Variants in RBFOX1 observed in about 807,000 individuals in gnomAD.
RBFOX1 encodes RNA binding fox-1 homolog 1.
In RBFOX1, 8 loss-of-function variants were observed where a neutral mutation model predicts 57.7. The observed-to-expected ratio is 0.14, with a 90% CI of 0.08 to 0.25. The LOEUF (loss-of-function observed/expected upper bound fraction) is 0.25. Ranked by LOEUF, RBFOX1 falls within the 10% of genes least tolerant of loss-of-function variation. RBFOX1 has a pLI of 1.00. For synonymous variants in RBFOX1, 326 were observed against 222.4 expected (o/e 1.47, Z -4.15); for missense variants, 611 against 548.5 (o/e 1.11, Z -1.14).
At chr16:5,668,445 C>T (rs1008650115) in intron 3 of RBFOX1, among the ~76,000 whole-genome samples, 1 of 152,200 alleles carries the variant, frequency 6.6e-6, no homozygotes, top group African/African-American at 2.4e-5. Flanking sequence ...AAAAAGACTT[C>T]ACTGGTAGCC....
At chr16:6,704,232 C>T (rs1484637856) in intron 3 of RBFOX1, 1 of 152,212 alleles carries the variant, frequency 6.6e-6, no homozygotes, top group Non-Finnish European at 1.5e-5. Context: ...TTTCACGCAG[C>T]TAGTAAGTGG....
chr16:6,753,936 A>C (rs764960249), intron 3 of RBFOX1, among the ~76,000 whole-genome samples: 3 of 152,092 alleles, frequency 2.0e-5, no homozygotes, highest in Non-Finnish European at 2.9e-5. Flanking sequence ...ATGCTTAATT[A>C]CTGAAGGAGA....
chr16:5,638,622 T>G (rs889343041), intron 3 of RBFOX1, among the ~76,000 whole-genome samples: 89 of 152,256 alleles, frequency 5.8e-4, no homozygotes, highest in African/African-American at 1.9e-3. Context: ...ATTTACATCT[T>G]GTATTCATAA....
chr16:6,491,502 G>T (rs373464480), intron 2 of RBFOX1, among the ~76,000 whole-genome samples: 3 of 152,298 alleles, frequency 2.0e-5, no homozygotes, highest in East Asian at 1.9e-4. Flanking sequence ...ACATTCTGCT[G>T]CTGACAGAGA....
intron 1 of RBFOX1, among the ~76,000 whole-genome samples, chr16:5,463,893 T>G (rs2068872796): frequency 6.6e-6 from 1 of 152,286 alleles, no homozygotes; most frequent in East Asian, 1.9e-4. Flanking sequence ...GAGGTCTATT[T>G]TGAACAAATT....
chr16:6,381,263 G>GTGTACCCATCACTGGAATAGTAAACAT (rs2091786094), intron 2 of RBFOX1, among the ~76,000 whole-genome samples: 1 of 152,176 alleles, frequency 6.6e-6, no homozygotes, highest in East Asian at 1.9e-4. Context: ...TAAGCATTTA[G>GTGTACCCATCACTGGAATAGTAAACAT]TGTACCCATC....
chr16:7,559,844 G>T (rs1472472096), intron 5 of RBFOX1, among the ~76,000 whole-genome samples: 3 of 152,120 alleles, frequency 2.0e-5, no homozygotes, highest in African/African-American at 4.8e-5. Context: ...CCATTTTAAG[G>T]CTGTGGGAAG....
At chr16:7,581,871 T>G (rs1202633764) in intron 6 of RBFOX1, among the ~76,000 whole-genome samples, 3 of 151,972 alleles carry the variant, frequency 2.0e-5, no homozygotes, top group African/African-American at 7.3e-5. Context: ...CCACCATGCT[T>G]GGCTAATTTT....
intron 2 of RBFOX1, among the ~76,000 whole-genome samples, chr16:5,496,042 C>A (rs1038684820): frequency 1.3e-5 from 2 of 152,170 alleles, no homozygotes; most frequent in Non-Finnish European, 2.9e-5. Context: ...AGAAGAATTG[C>A]TTCAACCCAG....
intron 3 of RBFOX1, among the ~76,000 whole-genome samples, chr16:7,044,418 C>G (rs1248392383): frequency 6.6e-6 from 1 of 152,132 alleles, no homozygotes; most frequent in Admixed American, 6.5e-5. Context: ...ATGAAAAAGG[C>G]TGAGTGAGAA....
At chr16:7,083,222 C>T (rs1187456180) in intron 4 of RBFOX1, among the ~76,000 whole-genome samples, 2 of 152,026 alleles carry the variant, frequency 1.3e-5, no homozygotes, top group Non-Finnish European at 2.9e-5. Context: ...TCTGTTTAAC[C>T]TCTGGACTCC....
At chr16:6,902,605 C>T (rs571089382) in intron 3 of RBFOX1, among the ~76,000 whole-genome samples, 2 of 152,174 alleles carry the variant, frequency 1.3e-5, no homozygotes, top group South Asian at 2.1e-4. Flanking sequence ...ACCTGTAATC[C>T]CAGCTATTCA....
At chr16:7,042,683 T>C (rs1453834826) in intron 3 of RBFOX1, among the ~76,000 whole-genome samples, 2 of 152,208 alleles carry the variant, frequency 1.3e-5, no homozygotes, top group African/African-American at 4.8e-5. Context: ...GCCAGCAGTT[T>C]GGGAGGCCCA....
At chr16:5,890,717 A>G (rs1424983561) in intron 4 of RBFOX1, among the ~76,000 whole-genome samples, 2 of 151,074 alleles carry the variant, frequency 1.3e-5, no homozygotes, top group Non-Finnish European at 2.9e-5. Flanking sequence ...AAAAAAAAAA[A>G]AAAAGTGAAG....
chr16:5,692,457 T>G (rs995330358), intron 3 of RBFOX1, among the ~76,000 whole-genome samples: 5 of 152,062 alleles, frequency 3.3e-5, no homozygotes, highest in African/African-American at 9.7e-5. Flanking sequence ...CTTTCCCAAC[T>G]GAGACTCTGT....
At chr16:7,182,033 A>G (rs898063368) in intron 4 of RBFOX1, among the ~76,000 whole-genome samples, 2 of 152,216 alleles carry the variant, frequency 1.3e-5, no homozygotes, top group African/African-American at 4.8e-5. Flanking sequence ...CATGACACAA[A>G]TCACTGAAAG....
chr16:6,255,380 A>G (rs1284754568), intron 1 of RBFOX1, among the ~76,000 whole-genome samples: 1 of 152,146 alleles, frequency 6.6e-6, no homozygotes, highest in African/African-American at 2.4e-5. Context: ...GATGGCTGGT[A>G]TTTTGCTCGG....
At position 5,983,758 on chromosome 16, in the gene RBFOX1, T is replaced by C. The variant is rs144501633; in HGVS notation, c.351+116423T>C. 3.7e-3 allele frequency among the ~76,000 whole-genome samples: 559 copies of C among 152,216 alleles called. 1 individual carries two copies. Among genetic ancestry groups the C allele is most frequent in the Admixed American group, 6.9e-3 (106 of 15,296 alleles). Reference sequence around the variant, plus strand: ...ATTGTTTCTTCCACTCCTGGAGTCATGAGTATTCTGAACAGTGATTTTTAA... The same window carrying C: ...ATTGTTTCTTCCACTCCTGGAGTCACGAGTATTCTGAACAGTGATTTTTAA... On this transcript the variant is annotated intron_variant, in intron 4 of 19. Transcript: ENST00000641259.
At chr16:6,939,059 C>T (rs1312216305) in intron 3 of RBFOX1, among the ~76,000 whole-genome samples, 1 of 152,166 alleles carries the variant, frequency 6.6e-6, no homozygotes, top group Non-Finnish European at 1.5e-5. Flanking sequence ...ATCAATGCTA[C>T]CATGGGGTTT....
Sources: allele counts gnomAD v4.1 joint callset (sites outside exome capture counted in the v4.1 genomes callset), GRCh38; gene constraint gnomAD v4.1.1; transcripts MANE v1.5; gene names NCBI Gene and HGNC (gene_info 2026-07-23, HGNC 2026-07-21).